CDON: variants seen among roughly 807,000 people sequenced by gnomAD.
The protein encoded by CDON is cell adhesion associated, oncogene regulated.
CDON carries 73 observed loss-of-function variants against 120.9 expected under a neutral mutation model. The observed-to-expected ratio is 0.60, with a 90% CI of 0.50 to 0.73. The LOEUF is 0.73. CDON is among the 30% of genes least tolerant of loss of function. CDON has a pLI of 0.00. For synonymous variants in CDON, 566 were observed against 573.5 expected, an observed-to-expected ratio of 0.99 and a Z score of 0.19; for missense variants, 1,470 against 1,587.3, an observed-to-expected ratio of 0.93 and a Z score of 1.26.
At chr11:126,038,058 T>C (rs1041461555) in intron 1 of CDON, among the ~76,000 whole-genome samples, 3 of 152,088 alleles carry the variant, frequency 2.0e-5, no homozygotes, top group Non-Finnish European at 4.4e-5. Context: ...TCACTTCAGT[T>C]TGCAAGCAAA....
chr11:126,018,521 AC>A, intron 4 of CDON, 48 bp from the exon 5 acceptor site: 1 of 1,507,662 alleles, frequency 6.6e-7, no homozygotes, highest in Non-Finnish European at 9.2e-7. Flanking sequence ...TATGAAGGAC[AC>A]CACAGCACAA....
At chr11:125,982,430 C>T (rs576831214) in intron 16 of CDON, among the ~76,000 whole-genome samples, 7 of 152,280 alleles carry the variant, frequency 4.6e-5, no homozygotes, top group East Asian at 1.9e-4. Context: ...ATAAATTCTT[C>T]GAAGGTAGGA....
intron 1 of CDON, among the ~76,000 whole-genome samples, chr11:126,060,706 G>A (rs1948776702): frequency 6.6e-6 from 1 of 152,174 alleles, no homozygotes; most frequent in Non-Finnish European, 1.5e-5. Context: ...ATTTTTACCT[G>A]CTCTCTTTAG....
chr11:126,030,133 T>C (rs765607819), intron 1 of CDON, among the ~76,000 whole-genome samples: 2 of 152,206 alleles, frequency 1.3e-5, no homozygotes, highest in Non-Finnish European at 2.9e-5. Flanking sequence ...CTCTACTTTA[T>C]ATGCCATGCC....
rs546363098 is a variant in CDON at position 126,017,185 on chromosome 11, A to G, written c.831T>C (p.Thr277=). ...CGGAGTCCGCCGGGTCAACGCTATCAGTGGCAAGATGAGAATACAACCTTC... is the reference window on the plus strand; with the variant it reads ...CGGAGTCCGCCGGGTCAACGCTATCGGTGGCAAGATGAGAATACAACCTTC... ...NWRRLYSHLA[T]DSVDPADSGN... The change falls in exon 6 of 20, where the codon ACT becomes ACC. Residue 277 remains threonine, a synonymous_variant. Transcript: ENST00000531738. The G allele has an allele frequency of 3.1e-6, 5 of 1,614,214 alleles. No homozygotes were observed. In the South Asian group the frequency reaches 4.4e-5, roughly 14 times the overall value.
chr11:126,042,301 T>C (rs141059147), intron 1 of CDON, among the ~76,000 whole-genome samples: 68 of 152,324 alleles, frequency 4.5e-4, no homozygotes, highest in African/African-American at 1.5e-3. Context: ...CTGTTTTTAG[T>C]CAACAGTACT....
intron 15 of CDON, among the ~76,000 whole-genome samples, chr11:125,985,003 C>G (rs1946424138): frequency 6.6e-6 from 1 of 152,112 alleles, no homozygotes; most frequent in Non-Finnish European, 1.5e-5. Context: ...AGGTGGGACT[C>G]AAACCTCATT....
At chr11:125,967,890 T>A (rs959521174) in intron 18 of CDON, among the ~76,000 whole-genome samples, 12 of 152,164 alleles carry the variant, frequency 7.9e-5, no homozygotes, top group African/African-American at 2.9e-4. Context: ...GAAAAATTTT[T>A]AAATTTTTTT....
chr11:126,003,023 T>C (rs1946998797), intron 10 of CDON, among the ~76,000 whole-genome samples: 1 of 152,154 alleles, frequency 6.6e-6, no homozygotes, highest in Non-Finnish European at 1.5e-5. Context: ...TCTGCTCCGA[T>C]GTCGACCGCT....
chr11:125,997,338 C>G lies in CDON; in HGVS notation c.2231G>C (p.Arg744Pro). 2 of 1,613,944 alleles carry G rather than the reference C, an allele frequency of 1.2e-6. No homozygotes were observed. The highest frequency in any genetic ancestry group is 1.7e-6 in the Non-Finnish European group (2 of 1,179,944). The change falls in exon 12 of 20, where the codon CGG (arginine) becomes CCG (proline). Residue 744 changes from arginine to proline, a missense_variant. Transcript: ENST00000531738. ...ETSVYVTWIPRANGGSPITAF... is the reference protein window; with the variant it reads ...ETSVYVTWIPPANGGSPITAF... ...AGTGATTGGAGAACCCCCGTTTGCC[C>G]GAGGAATCCAAGTGACATAGACTGA...
At chr11:125,976,225 T>C (rs1483552829) in intron 18 of CDON, among the ~76,000 whole-genome samples, 1 of 152,188 alleles carries the variant, frequency 6.6e-6, no homozygotes, top group African/African-American at 2.4e-5. Flanking sequence ...ATTTAATAAT[T>C]CAAATTTTCT....
intron 11 of CDON, among the ~76,000 whole-genome samples, chr11:126,000,925 A>G (rs12576535): frequency 0.26 from 39,963 of 152,182 alleles, 5,353 homozygotes; most frequent in South Asian, 0.32. Context: ...ACACCTGGCT[A>G]TAAGTGTAGT....
At chr11:126,024,926 T>G (rs944639480) in intron 1 of CDON, among the ~76,000 whole-genome samples, 6 of 152,136 alleles carry the variant, frequency 3.9e-5, no homozygotes, top group Non-Finnish European at 7.4e-5. Context: ...ATTTCTAGGC[T>G]GGGCACGGTG....
At chr11:126,007,246 T>C (rs1180402937) in intron 8 of CDON, among the ~76,000 whole-genome samples, 1 of 152,166 alleles carries the variant, frequency 6.6e-6, no homozygotes, top group Non-Finnish European at 1.5e-5. Context: ...TGCACTGCAG[T>C]AGAGAACCAA....
chr11:126,036,701 T>G (rs544600537), intron 1 of CDON, among the ~76,000 whole-genome samples: 1 of 152,376 alleles, frequency 6.6e-6, no homozygotes, highest in East Asian at 1.9e-4. Context: ...CTCATGTTGT[T>G]TTTTTGAGAC....
chr11:125,984,323 T>C (rs949706804), intron 15 of CDON, among the ~76,000 whole-genome samples: 1 of 152,214 alleles, frequency 6.6e-6, no homozygotes, highest in Non-Finnish European at 1.5e-5. Context: ...AAGGAACATA[T>C]GCACTTGGTC....
chr11:126,039,588 TAAATC>T (rs1948199064), intron 1 of CDON, among the ~76,000 whole-genome samples: 1 of 152,214 alleles, frequency 6.6e-6, no homozygotes, highest in Admixed American at 6.5e-5. Flanking sequence ...TTCACTGTCT[TAAATC>T]AGTAGGATTA....
At chr11:126,007,161 A>G (rs1309635291) in intron 8 of CDON, among the ~76,000 whole-genome samples, 1 of 152,220 alleles carries the variant, frequency 6.6e-6, no homozygotes, top group Non-Finnish European at 1.5e-5. Context: ...GTGCAGAGCA[A>G]ACAACGTACT....
At chr11:126,063,217 T>G (rs1171195319), upstream of CDON, 1 of 151,978 alleles carries the variant, frequency 6.6e-6, no homozygotes, top group African/African-American at 2.4e-5. Flanking sequence ...TAAGGGTGAG[T>G]TGCCTTACCA....
Sources: allele counts gnomAD v4.1 joint callset (sites outside exome capture counted in the v4.1 genomes callset), GRCh38; gene constraint gnomAD v4.1.1; transcripts MANE v1.5; gene names NCBI Gene and HGNC (gene_info 2026-07-23, HGNC 2026-07-21).